Variants in NEBL observed in about 807,000 individuals in gnomAD.
NEBL encodes the protein nebulette.
NEBL carries 122 observed loss-of-function variants against 140.2 expected under a neutral mutation model. That is an observed-to-expected ratio of 0.87 (90% confidence interval 0.75 to 1.01). The LOEUF (loss-of-function observed/expected upper bound fraction) is 1.01. NEBL is among the 50% of genes least tolerant of loss of function. NEBL has a pLI of 0.00. For synonymous variants in NEBL, 436 were observed against 398.9 expected (o/e 1.09, Z -1.11); for missense variants, 1,365 against 1,231.3 (o/e 1.11, Z -1.62).
chr10:20,919,133 TA>T (rs1191399640), intron 4 of NEBL, among the ~76,000 whole-genome samples: 4 of 151,848 alleles, frequency 2.6e-5, no homozygotes, highest in African/African-American at 7.3e-5. Context: ...AATTCAAAAC[TA>T]AAAAAAATAT....
chr10:21,076,857 T>C (rs908903712), intron 2 of NEBL, among the ~76,000 whole-genome samples: 5 of 151,848 alleles, frequency 3.3e-5, no homozygotes, highest in Non-Finnish European at 5.9e-5. Context: ...TGGATATTTC[T>C]CCAAAGAAGA....
At chr10:21,142,799 G>A (rs1839700455) in intron 2 of NEBL, among the ~76,000 whole-genome samples, 1 of 152,072 alleles carries the variant, frequency 6.6e-6, no homozygotes, top group Non-Finnish European at 1.5e-5. Flanking sequence ...TCCCAGTTGT[G>A]CTCCTTATGA....
At chr10:21,125,181 T>G (rs574150828) in intron 2 of NEBL, among the ~76,000 whole-genome samples, 2 of 152,108 alleles carry the variant, frequency 1.3e-5, no homozygotes, top group East Asian at 3.9e-4. Flanking sequence ...CCAGAGTCTC[T>G]AGAAGCTCAC....
chr10:21,187,892 T>C (rs1449682078), intron 3 of NEBL, among the ~76,000 whole-genome samples: 2 of 152,180 alleles, frequency 1.3e-5, no homozygotes, highest in African/African-American at 2.4e-5. Flanking sequence ...AGAAGTATGA[T>C]GGGATTTTTC....
intron 1 of NEBL, among the ~76,000 whole-genome samples, chr10:21,273,656 T>C (rs1842884828): frequency 6.6e-6 from 1 of 152,220 alleles, no homozygotes; most frequent in Non-Finnish European, 1.5e-5. Context: ...AAAGACCGCC[T>C]GGCAGAGAGC....
At chr10:20,834,024 C>T (rs1231090757) in intron 14 of NEBL, among the ~76,000 whole-genome samples, 1 of 152,024 alleles carries the variant, frequency 6.6e-6, no homozygotes, top group African/African-American at 2.4e-5. Flanking sequence ...CTAGTTTTGG[C>T]CTGTAACGTT....
intron 2 of NEBL, among the ~76,000 whole-genome samples, chr10:20,896,679 T>A (rs927644910): frequency 6.6e-6 from 1 of 151,936 alleles, no homozygotes; most frequent in African/African-American, 2.4e-5. Context: ...GAATAAATAC[T>A]GCAATTCAAT....
intron 3 of NEBL, among the ~76,000 whole-genome samples, chr10:21,191,996 A>T (rs1008671342): frequency 6.6e-6 from 1 of 152,072 alleles, no homozygotes; most frequent in Admixed American, 6.6e-5. Flanking sequence ...AGGGTTATTG[A>T]TTGCTCTTCT....
At chr10:20,881,259 G>A (rs570477952) in intron 4 of NEBL, among the ~76,000 whole-genome samples, 2 of 152,150 alleles carry the variant, frequency 1.3e-5, no homozygotes, top group Non-Finnish European at 2.9e-5. Flanking sequence ...TAAGTAGAGG[G>A]GAATTATAGG....
At chr10:20,955,934 T>G (rs1367148455) in intron 4 of NEBL, among the ~76,000 whole-genome samples, 2 of 151,822 alleles carry the variant, frequency 1.3e-5, no homozygotes, top group Admixed American at 6.6e-5. Flanking sequence ...AAGTCATATG[T>G]GTTAATTCTT....
At chr10:20,873,658 G>A (rs577704385) in intron 5 of NEBL, among the ~76,000 whole-genome samples, 7 of 151,882 alleles carry the variant, frequency 4.6e-5, no homozygotes, top group Admixed American at 1.3e-4. Flanking sequence ...AAGGTATGAC[G>A]GTATGAAATT....
chr10:20,822,160 A>C (rs1213188484), intron 19 of NEBL, among the ~76,000 whole-genome samples: 2 of 152,196 alleles, frequency 1.3e-5, no homozygotes, highest in East Asian at 3.9e-4. Flanking sequence ...CAGTGAACAT[A>C]GCTATATACT....
At chr10:20,866,521 C>T (rs1382424164) in intron 7 of NEBL, among the ~76,000 whole-genome samples, 2 of 152,148 alleles carry the variant, frequency 1.3e-5, no homozygotes, top group African/African-American at 4.8e-5. Flanking sequence ...CTAAACTCTT[C>T]TCAAAATCCT....
chr10:20,895,268 G>A (rs1341780108), intron 2 of NEBL, among the ~76,000 whole-genome samples: 1 of 152,138 alleles, frequency 6.6e-6, no homozygotes, highest in Non-Finnish European at 1.5e-5. Context: ...TATCAAAGCT[G>A]GAAGAGGTTA....
intron 5 of NEBL, among the ~76,000 whole-genome samples, chr10:20,875,328 C>T (rs1415433273): frequency 6.6e-6 from 1 of 152,108 alleles, no homozygotes; most frequent in Non-Finnish European, 1.5e-5. Flanking sequence ...TCACTTCATC[C>T]CTGATGTGTC....
At chr10:20,989,278 T>C (rs1274681134) in intron 3 of NEBL, among the ~76,000 whole-genome samples, 3 of 150,316 alleles carry the variant, frequency 2.0e-5, no homozygotes, top group Admixed American at 1.3e-4. Context: ...TTAATCCAAC[T>C]TTACTTTGGG....
chr10:21,014,715 G>T (rs1319185990), intron 3 of NEBL, among the ~76,000 whole-genome samples: 1 of 152,154 alleles, frequency 6.6e-6, no homozygotes, highest in Non-Finnish European at 1.5e-5. Context: ...AAATAAGAAG[G>T]TTCAGAAATG....
chr10:20,898,503 A>C (rs749047274), upstream of NEBL, among the ~76,000 whole-genome samples: 5 of 152,158 alleles, frequency 3.3e-5, no homozygotes, highest in Non-Finnish European at 7.4e-5. Context: ...AACATTCTAC[A>C]CAGTCATCAC....
At chr10:20,904,003 A>C (rs537322901) in intron 4 of NEBL, among the ~76,000 whole-genome samples, 310 of 151,820 alleles carry the variant, frequency 2.0e-3, no homozygotes, top group Non-Finnish European at 3.9e-3. Context: ...ACCCCCAAAA[A>C]CCATCGAAAT....
Sources: gnomAD v4.1 joint callset for allele counts (sites outside exome capture counted in the v4.1 genomes callset) on GRCh38, gnomAD v4.1.1 for gene constraint, MANE v1.5 for transcripts, NCBI Gene and HGNC (gene_info 2026-07-23, HGNC 2026-07-21) for gene names.